The following AFF2 variants were observed in gnomAD, a reference collection of about 807,000 sequenced individuals.
The protein encoded by AFF2 is AF4/FMR2 family member 2.
In AFF2, 14 loss-of-function variants were observed where a neutral mutation model predicts 76.9. That is an observed-to-expected ratio of 0.18 (90% confidence interval 0.12 to 0.28). The LOEUF (loss-of-function observed/expected upper bound fraction) is 0.28. AFF2 is among the 10% of genes least tolerant of loss of function. AFF2 has a pLI of 1.00. For synonymous variants in AFF2, 398 were observed against 366.7 expected, an observed-to-expected ratio of 1.09 and a Z score of -0.98; for missense variants, 868 against 1,001.1, an observed-to-expected ratio of 0.87 and a Z score of 1.79.
intron 1 of AFF2, among the ~76,000 whole-genome samples, chrX:148,521,862 G>A (rs1455814462): frequency 1.2e-4 from 13 of 111,965 alleles, no homozygotes; most frequent in Admixed American, 7.6e-4. Flanking sequence ...AAGGCATTGC[G>A]TCCATGAAAC....
chrX:148,503,569 C>A, intron 1 of AFF2, among the ~76,000 whole-genome samples: 1 of 112,213 alleles, frequency 8.9e-6, no homozygotes, highest in East Asian at 2.8e-4. Context: ...AGATGTCTGA[C>A]AATAAATGGA....
At chrX:148,764,453 G>T (rs1367358937) in intron 3 of AFF2, among the ~76,000 whole-genome samples, 1 of 112,210 alleles carries the variant, frequency 8.9e-6, no homozygotes, top group Non-Finnish European at 1.9e-5. Flanking sequence ...TTGAACTATG[G>T]ACATGCAAAT....
chrX:148,820,604 C>T (rs2070316616), intron 4 of AFF2, among the ~76,000 whole-genome samples: 2 of 110,912 alleles, frequency 1.8e-5, no homozygotes, highest in African/African-American at 3.3e-5. Context: ...TATTATATCT[C>T]TATAAAAAAT....
chrX:148,586,362 A>G (rs1224545224), intron 1 of AFF2, among the ~76,000 whole-genome samples: 2 of 112,456 alleles, frequency 1.8e-5, no homozygotes, highest in East Asian at 5.6e-4. Context: ...TGATGGAAAT[A>G]CATATTAGGC....
chrX:148,709,469 T>C (rs241082), intron 3 of AFF2, among the ~76,000 whole-genome samples: 6,251 of 111,970 alleles, frequency 0.056, 133 homozygotes, highest in African/African-American at 0.072. Context: ...CAATATGTTA[T>C]TTGTCACCTC....
chrX:148,672,699 C>T (rs1557259193), intron 3 of AFF2, among the ~76,000 whole-genome samples: 2 of 112,248 alleles, frequency 1.8e-5, no homozygotes, highest in South Asian at 3.6e-4. Flanking sequence ...ATGTGTTTTT[C>T]ATTTACAAAT....
At chrX:148,813,515 A>G (rs986886962) in intron 4 of AFF2, among the ~76,000 whole-genome samples, 13 of 112,324 alleles carry the variant, frequency 1.2e-4, no homozygotes, top group Non-Finnish European at 2.1e-4. Flanking sequence ...TGTGTTGTCT[A>G]TTGCATGTCA....
chrX:148,690,588 C>T (rs2054641041), intron 3 of AFF2, among the ~76,000 whole-genome samples: 1 of 112,264 alleles, frequency 8.9e-6, no homozygotes, highest in Non-Finnish European at 1.9e-5. Flanking sequence ...AGTGTTTAGG[C>T]CTCTGCCAGC....
At chrX:148,653,615 A>C (rs1220981976) in intron 2 of AFF2, among the ~76,000 whole-genome samples, 1 of 112,047 alleles carries the variant, frequency 8.9e-6, no homozygotes, top group Admixed American at 9.5e-5. Flanking sequence ...GATGTTGGGC[A>C]GTGTGGACAG....
chrX:148,584,275 A>G (rs1299546287), intron 1 of AFF2, among the ~76,000 whole-genome samples: 2 of 111,217 alleles, frequency 1.8e-5, no homozygotes, highest in East Asian at 5.7e-4. Context: ...ATGTTCAATA[A>G]TGTATTGGTC....
At chrX:148,740,350 AT>A (rs1168737417) in intron 3 of AFF2, among the ~76,000 whole-genome samples, 11 of 109,319 alleles carry the variant, frequency 1.0e-4, no homozygotes, top group East Asian at 2.9e-4. Flanking sequence ...GTATTTTCTT[AT>A]TTTTTTTTCT....
Position 148,837,707 on chromosome X carries a change from C to G in AFF2, c.1147C>G (p.Gln383Glu), listed in dbSNP as rs781908077. ...CATGCATACTGCTGGACACTCTGAG[C>G]AGAGCACCTTTTCCATCCCAGGACA... The part of the protein sequence containing the change: ...TSMHTAGHSE[Q>E]STFSIPGQES... The change falls in exon 5 of 21, where the codon CAG becomes GAG. Residue 383 changes from glutamine (Q) to glutamate (E), a missense_variant. Physicochemically the swap from Gln to Glu is conservative, Grantham distance 29. This residue lies in a region of AFF2 where 532 missense variants were observed against 564.2 expected (regional missense o/e 0.94). Transcript: ENST00000370460. 8.3e-7 allele frequency: 1 copy of G among 1,197,856 alleles called. No individual in the cohort carries two copies. The highest frequency in any genetic ancestry group is 1.1e-6 in the Non-Finnish European group (1 of 884,897).
At chrX:148,642,733 T>G (rs1212869657) in intron 1 of AFF2, among the ~76,000 whole-genome samples, 1 of 111,620 alleles carries the variant, frequency 9.0e-6, no homozygotes, top group Middle Eastern at 4.2e-3. Flanking sequence ...CCTGCCTCAC[T>G]AGGGCAGGCA....
chrX:148,951,249 T>C lies in AFF2; in HGVS notation c.1398-2331T>C, dbSNP rs782669185. Among the ~76,000 whole-genome samples, 9 of 111,403 alleles carry C rather than the reference T, an allele frequency of 8.1e-5. No individual in the cohort carries two copies. In the East Asian group the frequency reaches 2.5e-3, roughly 31 times the overall value. ...AACTTTGATTTAGCTGAGGAATAAG[T>C]TGATTTTGGTAAATAAATCATCCCT... On this transcript the variant is annotated intron_variant, in intron 9 of 20. Transcript: ENST00000370460.
chrX:148,624,574 A>C (rs1170353247), intron 1 of AFF2, among the ~76,000 whole-genome samples: 1 of 112,429 alleles, frequency 8.9e-6, no homozygotes, highest in East Asian at 2.8e-4. Flanking sequence ...AATCAGAAGG[A>C]AAATAAGACT....
intron 9 of AFF2, among the ~76,000 whole-genome samples, chrX:148,911,130 A>G (rs1557281926): frequency 9.2e-6 from 1 of 109,209 alleles, no homozygotes. Context: ...TGTGTGTATA[A>G]TGCATCTGTA....
At chrX:148,610,116 A>G (rs782458072) in intron 1 of AFF2, among the ~76,000 whole-genome samples, 2 of 111,808 alleles carry the variant, frequency 1.8e-5, no homozygotes, top group Admixed American at 9.5e-5. Context: ...GGAATTGCCC[A>G]TGTGAAGAGA....
At chrX:148,577,115 A>T (rs1281709647) in intron 1 of AFF2, among the ~76,000 whole-genome samples, 1 of 111,969 alleles carries the variant, frequency 8.9e-6, no homozygotes, top group Non-Finnish European at 1.9e-5. Flanking sequence ...CTCTGATGTT[A>T]TTAGGTTGTA....
At chrX:148,777,124 C>T (rs1474957247) in intron 3 of AFF2, among the ~76,000 whole-genome samples, 2 of 111,868 alleles carry the variant, frequency 1.8e-5, no homozygotes, top group East Asian at 5.6e-4. Context: ...ATCCTTTCCC[C>T]ATTGCTTGTT....
Sources: gnomAD v4.1 joint callset for allele counts (sites outside exome capture counted in the v4.1 genomes callset) on GRCh38, gnomAD v4.1.1 for gene constraint, gnomAD v4.1.1 regional missense constraint, MANE v1.5 for transcripts, NCBI Gene and HGNC (gene_info 2026-07-23, HGNC 2026-07-21) for gene names.